Variants in SCUBE3 observed in about 807,000 individuals in gnomAD.
SCUBE3 encodes signal peptide, CUB and EGF-like domain-containing protein 3.
A neutral mutation model predicts 116.8 loss-of-function variants in SCUBE3; 33 were observed. The ratio of observed to expected loss-of-function variants is 0.28; its 90% CI spans 0.21 to 0.38. The LOEUF (loss-of-function observed/expected upper bound fraction) is 0.38, where lower values mean the gene tolerates loss of function less well. Among genes scored for constraint, SCUBE3 ranks in the 10% least tolerant of loss-of-function variants. SCUBE3 has a pLI of 1.00. For missense variants in SCUBE3, 1,007 were observed against 1,324.8 expected (o/e 0.76, Z 3.72); for synonymous variants, 418 against 496.9 (o/e 0.84, Z 2.11).
At position 35,235,314 on chromosome 6, in the gene SCUBE3, C is replaced by A; in HGVS notation, c.712+2013C>A. ...TGAGGAGTGAAGCTGTCATAAGGGTCCCAGGGCTCATCATTTGGGGCTACT... is the reference window on the plus strand; with the variant it reads ...TGAGGAGTGAAGCTGTCATAAGGGTACCAGGGCTCATCATTTGGGGCTACT... On this transcript the variant is annotated intron_variant, in intron 6 of 21. Coordinates refer to ENST00000274938, the MANE Select transcript of SCUBE3 (RefSeq NM_152753.4). This position sits in a 1 kb window ranked among gnomAD's most constrained non-coding sequence, Gnocchi z 4.5. The A allele has an allele frequency of 2.4e-6, 1 of 423,290 alleles. No homozygotes were observed. The allele number at this position is 423,290 out of a possible 1,614,324, so 26.2% of individuals were successfully genotyped here.
At position 35,245,646 on chromosome 6, in the gene SCUBE3, A is replaced by G. The variant is rs1054084299; in HGVS notation, c.2599+221A>G. 6.6e-6 allele frequency among the ~76,000 whole-genome samples: 1 copy of G among 152,238 alleles called. No individual in the cohort carries two copies. Among genetic ancestry groups the G allele is most frequent in the Non-Finnish European group, 1.5e-5 (1 of 68,042 alleles). On this transcript the variant is annotated intron_variant, in intron 19 of 21. Coordinates refer to ENST00000274938, the MANE Select transcript of SCUBE3 (RefSeq NM_152753.4). This position sits in a 1 kb window ranked among gnomAD's most constrained non-coding sequence, Gnocchi z 4.2. ...AGTTAAGAAAGCTAGCAGTGGGGCTAGAACTCCAATGGCGTTACATGTATC... is the reference window on the plus strand; with the variant it reads ...AGTTAAGAAAGCTAGCAGTGGGGCTGGAACTCCAATGGCGTTACATGTATC...
chr6:35,241,146 G>C lies in SCUBE3; in HGVS notation c.1075G>C (p.Asp359His). The C allele has an allele frequency of 6.3e-7, 1 of 1,593,838 alleles. No individual in the cohort carries two copies. The highest frequency in any genetic ancestry group is 1.1e-5 in the South Asian group (1 of 90,152). The change falls in exon 10 of 22, where the codon GAT (aspartate) becomes CAT (histidine). Residue 359 changes from aspartate (D) to histidine (H), a missense_variant. This residue lies in a region of SCUBE3 where 544 missense variants were observed against 638.9 expected (regional missense o/e 0.85). Coordinates refer to ENST00000274938, the MANE Select transcript of SCUBE3 (RefSeq NM_152753.4). The surrounding 1 kb of genome is among the most constrained non-coding windows in gnomAD (Gnocchi z 4.1). The part of the protein sequence containing the change: ...LYGITHCGDV[D>H]ECSINRGGCR... Reference sequence around the variant, plus strand: ...CTCCCTACTCCTTCCCCCAGATGTGGATGAATGCAGCATCAACCGGGGAGG... The same window carrying C: ...CTCCCTACTCCTTCCCCCAGATGTGCATGAATGCAGCATCAACCGGGGAGG...
rs561399940 is a variant in SCUBE3 at position 35,245,782 on chromosome 6, A to G, written c.2600-162A>G. Reference sequence around the variant, plus strand: ...AATTGTGGAATGAGCCCAGTGGGCAATGGGAGAGGGTGTGGGGTAGGGTGT... The same window carrying G: ...AATTGTGGAATGAGCCCAGTGGGCAGTGGGAGAGGGTGTGGGGTAGGGTGT... On this transcript the variant is annotated intron_variant, in intron 19 of 21. Transcript: ENST00000274938. The surrounding 1 kb of genome is among the most constrained non-coding windows in gnomAD (Gnocchi z 4.2). 5.2e-4 allele frequency among the ~76,000 whole-genome samples: 79 copies of G among 152,246 alleles called. No individual in the cohort carries two copies. The highest frequency in any genetic ancestry group is 1.6e-3 in the African/African-American group (68 of 41,550).
Position 35,239,887 on chromosome 6 carries a change from A to G in SCUBE3, c.952+13A>G, listed in dbSNP as rs1292737306. 1 of 1,590,870 alleles carries G rather than the reference A, an allele frequency of 6.3e-7. No individual in the cohort carries two copies. Among genetic ancestry groups the G allele is most frequent in the Non-Finnish European group, 8.5e-7 (1 of 1,172,202 alleles). ...AGGAACTGCCAGGGTGAGCAGACTC[A>G]GCCAAAGGTGAAAGCCTTAGGAGAG... On this transcript the variant is annotated intron_variant, in intron 8 of 21. Coordinates refer to ENST00000274938, the MANE Select transcript of SCUBE3 (RefSeq NM_152753.4). This position sits in a 1 kb window ranked among gnomAD's most constrained non-coding sequence, Gnocchi z 4.1.
chr6:35,242,588 G>A (rs986137385), intron 13 of SCUBE3, 34 bp from the exon 14 acceptor site: 16 of 1,586,550 alleles, frequency 1.0e-5, no homozygotes, highest in Non-Finnish European at 1.4e-5. Flanking sequence ...CTTTCCAGGG[G>A]ATGTCCCTGG....
At position 35,251,668 on chromosome 6, in the gene SCUBE3, T is replaced by G. The variant is rs895931464; in HGVS notation, c.*2963T>G. Reference sequence around the variant, plus strand: ...AATGAGTTCCACAGTACGGAAGGCATAGACCACTAGGCTTCTTAATTGATG... The same window carrying G: ...AATGAGTTCCACAGTACGGAAGGCAGAGACCACTAGGCTTCTTAATTGATG... On this transcript the variant is annotated 3_prime_UTR_variant, in exon 22 of 22. Transcript: ENST00000274938. The G allele has an allele frequency of 2.6e-5, 4 of 152,370 alleles. No homozygotes were observed. The highest frequency in any genetic ancestry group is 2.6e-4 in the Admixed American group (4 of 15,310). The allele number at this position is 152,370 out of a possible 1,614,324, so 9.4% of individuals were successfully genotyped here.
Position 35,231,029 on chromosome 6 carries a change from C to T in SCUBE3, c.335-696C>T, listed in dbSNP as rs1783527458. Among the ~76,000 whole-genome samples, 1 of 152,068 alleles carries T rather than the reference C, an allele frequency of 6.6e-6. No homozygotes were observed. The highest frequency in any genetic ancestry group is 1.5e-5 in the Non-Finnish European group (1 of 67,988). On this transcript the variant is annotated intron_variant, in intron 3 of 21. Coordinates refer to ENST00000274938, the MANE Select transcript of SCUBE3 (RefSeq NM_152753.4). This position sits in a 1 kb window ranked among gnomAD's most constrained non-coding sequence, Gnocchi z 4.2. ...CTGTTCTCCCTGCCCCCCACCCCCA[C>T]CATCTAGGGTGTGGCCTGGCAGCTC...
chr6:35,238,251 T>C (rs548056804), intron 7 of SCUBE3, among the ~76,000 whole-genome samples: 2 of 152,252 alleles, frequency 1.3e-5, no homozygotes, highest in South Asian at 2.1e-4. Context: ...GTTTCCCTAC[T>C]CTCATTCCTA....
rs1783049032 is a variant in SCUBE3 at position 35,219,605 on chromosome 6, G to A, written c.85+5102G>A. ...GGTAACAAGCTGAGGAAAGACCTGGGCAGGGGCTGCAGGGCTGGAGGGAAG... is the reference window on the plus strand; with the variant it reads ...GGTAACAAGCTGAGGAAAGACCTGGACAGGGGCTGCAGGGCTGGAGGGAAG... On this transcript the variant is annotated intron_variant, in intron 1 of 21. Transcript: ENST00000274938. This position sits in a 1 kb window ranked among gnomAD's most constrained non-coding sequence, Gnocchi z 4.7. Among the ~76,000 whole-genome samples, 1 of 152,076 alleles carries A rather than the reference G, an allele frequency of 6.6e-6. No homozygotes were observed. The highest frequency in any genetic ancestry group is 1.5e-5 in the Non-Finnish European group (1 of 68,024).
At chr6:35,242,053 C>G (rs1784088886) in intron 12 of SCUBE3, 143 bp downstream of exon 12, 2 of 837,406 alleles carry the variant, frequency 2.4e-6, no homozygotes, top group Non-Finnish European at 4.1e-6. Context: ...TCCCTCACTC[C>G]CTCTGCCCTA....
In SCUBE3 at chr6:35,253,030, AT is replaced by A. The variant is rs1425556221; in HGVS notation, c.*4329del. 6.6e-6 allele frequency: 1 copy of A among 152,114 alleles called. No individual in the cohort carries two copies. The highest frequency in any genetic ancestry group is 2.1e-4 in the South Asian group (1 of 4,822). The allele number at this position is 152,114 out of a possible 1,614,324, so 9.4% of individuals were successfully genotyped here. ...CTGAATTGTAAAAAGAAATGTTTGGATTTTGTATGTCTTTTTTATTATTATT... is the reference window on the plus strand; with the variant it reads ...CTGAATTGTAAAAAGAAATGTTTGGATTTGTATGTCTTTTTTATTATTATT... On this transcript the variant is annotated 3_prime_UTR_variant, in exon 22 of 22. Coordinates refer to ENST00000274938, the MANE Select transcript of SCUBE3 (RefSeq NM_152753.4).
At position 35,248,693 on chromosome 6, in the gene SCUBE3, G is replaced by A; in HGVS notation, c.2970G>A (p.Arg990=). 1 of 1,613,796 alleles carries A rather than the reference G, an allele frequency of 6.2e-7. No homozygotes were observed. Among genetic ancestry groups the A allele is most frequent in the Non-Finnish European group, 8.5e-7 (1 of 1,179,922 alleles). Residue 990 remains arginine (R), a synonymous_variant, in exon 22 of 22, where the codon AGG becomes AGA. Coordinates refer to ENST00000274938, the MANE Select transcript of SCUBE3 (RefSeq NM_152753.4). ...GCTCCAAAGTTTCCAGCTTCCTGAGGCCCTACAAATAGTAACCCTAGGCTC... is the reference window on the plus strand; with the variant it reads ...GCTCCAAAGTTTCCAGCTTCCTGAGACCCTACAAATAGTAACCCTAGGCTC... The part of the protein sequence containing the change: ...LLRSKVSSFL[R]PYK
At chr6:35,246,408 G>A in intron 21 of SCUBE3, 123 bp downstream of exon 21, 1 of 727,022 alleles carries the variant, frequency 1.4e-6, no homozygotes, top group South Asian at 1.7e-5. Flanking sequence ...TATGAGGTAG[G>A]TGCTTTCTCC....
At position 35,228,797 on chromosome 6, in the gene SCUBE3, C is replaced by G. The variant is rs2150294353; in HGVS notation, c.334+58C>G. ...TGTCTTGTGGAGAAAGAGATCTTTT[C>G]AGCATTTCCTATTTCCCAGGGAAGG... On this transcript the variant is annotated intron_variant, in intron 3 of 21. Transcript: ENST00000274938. This position sits in a 1 kb window ranked among gnomAD's most constrained non-coding sequence, Gnocchi z 4.9. 6.4e-7 allele frequency: 1 copy of G among 1,558,910 alleles called. No homozygotes were observed. The highest frequency in any genetic ancestry group is 1.4e-5 in the African/African-American group (1 of 73,968).
chr6:35,222,170 C>G (rs1783141393), intron 1 of SCUBE3: 1 of 152,164 alleles, frequency 6.6e-6, no homozygotes, highest in Non-Finnish European at 1.5e-5. Context: ...GGGGTGGACT[C>G]TACCTAGGGG....
rs764761590 is a variant in SCUBE3 at position 35,214,383 on chromosome 6, C to G, written c.-36C>G. 2.9e-6 allele frequency: 4 copies of G among 1,373,516 alleles called. No individual in the cohort carries two copies. The highest frequency in any genetic ancestry group is 3.8e-6 in the Non-Finnish European group (4 of 1,049,468). 85.1% of individuals were successfully genotyped at this position (1,373,516 alleles called of 1,614,324 possible). ...CTTCCGCCCTCCCCTGGCCGCGAGA[C>G]CGGCCCCGGCGGCTGGGCCGCCAGT... On this transcript the variant is annotated 5_prime_UTR_variant, in exon 1 of 22. Coordinates refer to ENST00000274938, the MANE Select transcript of SCUBE3 (RefSeq NM_152753.4). The surrounding 1 kb of genome is among the most constrained non-coding windows in gnomAD (Gnocchi z 6.3).
chr6:35,226,510 A>G (rs9469965), intron 1 of SCUBE3, among the ~76,000 whole-genome samples: 5,938 of 85,810 alleles, frequency 0.069, 489 homozygotes, highest in African/African-American at 0.23. Flanking sequence ...TTTGAGATAG[A>G]GTCTCACTGT....
chr6:35,215,174 T>G (rs1782835368), intron 1 of SCUBE3, among the ~76,000 whole-genome samples: 1 of 152,224 alleles, frequency 6.6e-6, no homozygotes, highest in Non-Finnish European at 1.5e-5. Flanking sequence ...TATTTATTTA[T>G]TAAGGCCTCG....
chr6:35,243,200 T>C lies in SCUBE3; in HGVS notation c.1873T>C (p.Cys625Arg), dbSNP rs1199710065. 2 of 1,614,142 alleles carry C rather than the reference T, an allele frequency of 1.2e-6. No homozygotes were observed. The highest frequency in any genetic ancestry group is 3.3e-5 in the Admixed American group (2 of 60,026). Residue 625 changes from cysteine (C) to arginine (R), a missense_variant, in exon 15 of 22, where the codon TGT (cysteine) becomes CGT (arginine). Cys to Arg is a radical substitution (Grantham distance 180). Around this residue, in one of 5 missense-constraint regions of SCUBE3, gnomAD observed 544 missense variants for 638.9 expected, o/e 0.85. Transcript: ENST00000274938. The surrounding 1 kb of genome is among the most constrained non-coding windows in gnomAD (Gnocchi z 6.6). ...AGERAEPMES[C>R]RPGQHRAGTK... ...GGAGCGAGCAGAGCCGATGGAGTCC[T>C]GTAGGCCCGGGCAGCACCGTGCTGG...
Sources: gnomAD v4.1 joint callset for allele counts (sites outside exome capture counted in the v4.1 genomes callset) on GRCh38, gnomAD v4.1.1 for gene constraint, gnomAD v4.1.1 regional missense constraint, Gnocchi (gnomAD v3.1) non-coding constraint, MANE v1.5 for transcripts, NCBI Gene and HGNC (gene_info 2026-07-23, HGNC 2026-07-21) for gene names.